Variants in GALNT13 observed in about 807,000 individuals in gnomAD.
The protein encoded by GALNT13 is polypeptide N-acetylgalactosaminyltransferase 13, also known as UDP-GalNAc:polypeptide N-acetylgalactosaminyltransferase 13.
A neutral mutation model predicts 64.2 loss-of-function variants in GALNT13; 28 were observed. The ratio of observed to expected loss-of-function variants is 0.44; its 90% CI spans 0.32 to 0.60. The LOEUF (loss-of-function observed/expected upper bound fraction) is 0.60, where lower values mean the gene tolerates loss of function less well. Ranked by LOEUF, GALNT13 falls within the 20% of genes least tolerant of loss-of-function variation. GALNT13 has a pLI of 0.05. For missense variants in GALNT13, 577 were observed against 669.8 expected, an observed-to-expected ratio of 0.86 and a Z score of 1.53; for synonymous variants, 214 against 224.6, an observed-to-expected ratio of 0.95 and a Z score of 0.42.
chr2:153,139,392 T>C, the GALNT13 span, among the ~76,000 whole-genome samples: 5 of 152,056 alleles, frequency 3.3e-5, no homozygotes, highest in African/African-American at 4.8e-5. Flanking sequence ...ATGAGGTCCC[T>C]GACTTTAAGT....
intron 9 of GALNT13, among the ~76,000 whole-genome samples, chr2:154,394,869 C>A (rs998107136): frequency 6.6e-6 from 1 of 152,262 alleles, no homozygotes; most frequent in South Asian, 2.1e-4. Flanking sequence ...TCTAATAACA[C>A]TATGGCATTT....
the GALNT13 span, among the ~76,000 whole-genome samples, chr2:153,435,368 A>G: frequency 1.3e-5 from 2 of 152,150 alleles, no homozygotes; most frequent in African/African-American, 4.8e-5. Flanking sequence ...CTGTGAAGAA[A>G]GTCATTGGTA....
intron 8 of GALNT13, among the ~76,000 whole-genome samples, chr2:154,299,868 A>G (rs1693327371): frequency 6.6e-6 from 1 of 151,870 alleles, no homozygotes; most frequent in South Asian, 2.1e-4. Flanking sequence ...TGTTGGACCT[A>G]TTTTTCTGCT....
chr2:153,720,255 C>A, the GALNT13 span, among the ~76,000 whole-genome samples: 5 of 145,584 alleles, frequency 3.4e-5, no homozygotes, highest in African/African-American at 1.3e-4. Flanking sequence ...AGGGTCCTGT[C>A]TGTTAGAAGG....
chr2:153,545,200 T>A, the GALNT13 span, among the ~76,000 whole-genome samples: 1 of 152,146 alleles, frequency 6.6e-6, no homozygotes, highest in Admixed American at 6.5e-5. Context: ...GGTGAAAACT[T>A]AATTTGTTAA....
At chr2:153,271,905 T>C in the GALNT13 span, among the ~76,000 whole-genome samples, 1 of 152,000 alleles carries the variant, frequency 6.6e-6, no homozygotes, top group Non-Finnish European at 1.5e-5. Context: ...AATGGTACTG[T>C]TACCAAAACA....
At chr2:154,364,794 C>T (rs1697275228) in intron 9 of GALNT13, among the ~76,000 whole-genome samples, 1 of 152,166 alleles carries the variant, frequency 6.6e-6, no homozygotes, top group South Asian at 2.1e-4. Flanking sequence ...CCTCAGCCTC[C>T]CAAGTAGCTG....
the GALNT13 span, among the ~76,000 whole-genome samples, chr2:153,249,729 T>C: frequency 6.6e-6 from 1 of 152,062 alleles, no homozygotes; most frequent in Non-Finnish European, 1.5e-5. Flanking sequence ...ACCATACATC[T>C]ACAACCACAA....
the GALNT13 span, among the ~76,000 whole-genome samples, chr2:153,453,659 C>G: frequency 1.3e-5 from 2 of 152,158 alleles, no homozygotes; most frequent in Admixed American, 6.5e-5. Flanking sequence ...TAGTTTTACA[C>G]TGTTGGAGGG....
At chr2:153,206,016 A>G in the GALNT13 span, among the ~76,000 whole-genome samples, 2 of 152,054 alleles carry the variant, frequency 1.3e-5, no homozygotes, top group Admixed American at 1.3e-4. Flanking sequence ...ATAAAAGTGG[A>G]AAAAAATTTT....
the GALNT13 span, among the ~76,000 whole-genome samples, chr2:153,396,604 T>A: frequency 6.6e-6 from 1 of 152,064 alleles, no homozygotes; most frequent in African/African-American, 2.4e-5. Context: ...ATGTGAGTAG[T>A]CTGGAGCCCC....
chr2:153,170,744 C>A, the GALNT13 span, among the ~76,000 whole-genome samples: 1 of 152,284 alleles, frequency 6.6e-6, no homozygotes, highest in South Asian at 2.1e-4. Flanking sequence ...ATTTGAAATT[C>A]AGACTATAGC....
At chr2:153,726,219 T>C in the GALNT13 span, among the ~76,000 whole-genome samples, 2 of 152,174 alleles carry the variant, frequency 1.3e-5, no homozygotes, top group African/African-American at 2.4e-5. Flanking sequence ...ACTTTACATA[T>C]TAGTTATTCA....
the GALNT13 span, among the ~76,000 whole-genome samples, chr2:153,289,985 A>G: frequency 6.6e-6 from 1 of 152,196 alleles, no homozygotes; most frequent in East Asian, 1.9e-4. Context: ...TTGTGTGGCC[A>G]AAGGCAGGTT....
At chr2:153,863,498 C>T in the GALNT13 span, among the ~76,000 whole-genome samples, 2 of 151,996 alleles carry the variant, frequency 1.3e-5, no homozygotes, top group Non-Finnish European at 1.5e-5. Context: ...TTAAGACACA[C>T]TAGAAAATGC....
At chr2:153,802,478 T>C in the GALNT13 span, among the ~76,000 whole-genome samples, 17 of 152,342 alleles carry the variant, frequency 1.1e-4, no homozygotes, top group Non-Finnish European at 2.2e-4. Context: ...TGTTATCATT[T>C]TCTTGCAAAC....
chr2:154,194,122 G>A (rs1022586408), intron 4 of GALNT13, among the ~76,000 whole-genome samples: 21 of 152,130 alleles, frequency 1.4e-4, no homozygotes, highest in African/African-American at 4.8e-4. Context: ...AACCTCAAGA[G>A]GTAAGTCTCA....
the GALNT13 span, among the ~76,000 whole-genome samples, chr2:153,577,417 A>G: frequency 2.6e-5 from 4 of 152,142 alleles, no homozygotes; most frequent in East Asian, 3.9e-4. Context: ...TTTTCCTCCA[A>G]TTAATTAAAA....
chr2:153,393,370 A>G, the GALNT13 span, among the ~76,000 whole-genome samples: 1 of 151,658 alleles, frequency 6.6e-6, no homozygotes, highest in Non-Finnish European at 1.5e-5. Flanking sequence ...TTCACCAAAT[A>G]TTTCTGGCTC....
Sources: allele counts gnomAD v4.1 joint callset (sites outside exome capture counted in the v4.1 genomes callset), GRCh38; gene constraint gnomAD v4.1.1; transcripts MANE v1.5; gene names NCBI Gene and HGNC (gene_info 2026-07-23, HGNC 2026-07-21).